The following FAM13B variants were observed in gnomAD, a reference collection of about 807,000 sequenced individuals.
FAM13B encodes family with sequence similarity 13 member B.
A neutral mutation model predicts 117.3 loss-of-function variants in FAM13B; 60 were observed. That is an observed-to-expected ratio of 0.51 (90% CI 0.42 to 0.63). FAM13B has a LOEUF of 0.63. Ranked by LOEUF, FAM13B falls within the 30% of genes least tolerant of loss-of-function variation. The probability of loss-of-function intolerance (pLI) is 0.00; values close to 1 mark genes in which losing one functional copy is unlikely to be tolerated. For synonymous variants in FAM13B, 332 were observed against 356.1 expected (o/e 0.93, Z 0.76); for missense variants, 972 against 1,091.9 (o/e 0.89, Z 1.55).
At chr5:138,036,366 G>T, upstream of FAM13B, 2 of 456,562 alleles carry the variant, frequency 4.4e-6, no homozygotes, top group Non-Finnish European at 8.8e-6. Flanking sequence ...GGCACCTCTT[G>T]CCCGAACAAA....
exon 1 of FAM13B, chr5:138,051,894 G>A (rs1235332881): frequency 3.3e-5 from 5 of 152,126 alleles, no homozygotes; most frequent in Non-Finnish European, 7.3e-5. Flanking sequence ...ACTCAGCCCT[G>A]TAGATGTCCC....
intron 10 of FAM13B, among the ~76,000 whole-genome samples, chr5:137,969,669 G>A (rs1237321738): frequency 1.3e-5 from 2 of 152,060 alleles, no homozygotes; most frequent in Non-Finnish European, 1.5e-5. Flanking sequence ...TCCAAGCTAC[G>A]GGAGGACATT....
intron 22 of FAM13B, 48 bp downstream of exon 22, chr5:137,942,827 T>C (rs1561724884): frequency 5.2e-6 from 8 of 1,529,052 alleles, no homozygotes; most frequent in South Asian, 1.3e-5. Flanking sequence ...TCTTGGCATA[T>C]ACATTTTATT....
At chr5:138,036,270 G>A (rs1215191262), upstream of FAM13B, 24 of 374,816 alleles carry the variant, frequency 6.4e-5, no homozygotes, top group South Asian at 1.9e-4. Flanking sequence ...GCGTCTGGAC[G>A]AAGGAGAGCT....
At chr5:137,973,269 C>T (rs1490038165) in intron 10 of FAM13B, among the ~76,000 whole-genome samples, 2 of 152,116 alleles carry the variant, frequency 1.3e-5, no homozygotes, top group African/African-American at 4.8e-5. Flanking sequence ...AGATATAGAT[C>T]AATGGAACAG....
Position 137,953,894 on chromosome 5 carries a change from C to T in FAM13B, c.1718+272G>A, listed in dbSNP as rs552908338. Among the ~76,000 whole-genome samples, 8 of 152,222 alleles carry T rather than the reference C, an allele frequency of 5.3e-5. No individual in the cohort carries two copies. In the South Asian group the frequency reaches 1.2e-3, roughly 24 times the overall value. ...ACATAAATAAATGAATAATACACCA[C>T]GAGAAAATGTCTATTTGAGAGCAAA... On this transcript the variant is annotated intron_variant, in intron 15 of 23. Transcript: ENST00000689681.
At chr5:138,002,721 A>G (rs994688269) in intron 7 of FAM13B, among the ~76,000 whole-genome samples, 51 of 131,828 alleles carry the variant, frequency 3.9e-4, no homozygotes, top group Non-Finnish European at 6.7e-4. Flanking sequence ...GCTGGAGTGC[A>G]GGGGCGACAT....
In FAM13B at chr5:138,032,966, C is replaced by G; in HGVS notation, c.-387G>C. ...GGGGCCAGCCCGGTAAGCGACCCCC[C>G]GGATACCCCCGGCGGTGGTGGCGAC... On this transcript the variant is annotated 5_prime_UTR_variant, in exon 1 of 24. Coordinates refer to ENST00000689681, the MANE Select transcript of FAM13B (RefSeq NM_001385994.1). 1.0e-6 allele frequency: 1 copy of G among 986,364 alleles called. No individual in the cohort carries two copies. Among genetic ancestry groups the G allele is most frequent in the African/African-American group, 1.7e-5 (1 of 57,378 alleles). 61.1% of individuals were successfully genotyped at this position (986,364 alleles called of 1,614,324 possible).
At chr5:137,972,447 A>C (rs1223440520) in intron 10 of FAM13B, among the ~76,000 whole-genome samples, 1 of 151,250 alleles carries the variant, frequency 6.6e-6, no homozygotes, top group Non-Finnish European at 1.5e-5. Context: ...TTAGGTATTG[A>C]TGGGACGTAT....
At chr5:137,983,756 T>A (rs1358246013) in intron 10 of FAM13B, among the ~76,000 whole-genome samples, 4 of 152,230 alleles carry the variant, frequency 2.6e-5, no homozygotes, top group Non-Finnish European at 5.9e-5. Context: ...TCACATCTTT[T>A]TATCATAATC....
chr5:137,947,515 G>C (rs1442468837), intron 18 of FAM13B, among the ~76,000 whole-genome samples: 1 of 152,008 alleles, frequency 6.6e-6, no homozygotes, highest in Non-Finnish European at 1.5e-5. Flanking sequence ...AAGGCCATGA[G>C]TTTGAGCCCA....
At chr5:137,997,770 G>T (rs1348748362) in intron 7 of FAM13B, among the ~76,000 whole-genome samples, 1 of 152,070 alleles carries the variant, frequency 6.6e-6, no homozygotes, top group Non-Finnish European at 1.5e-5. Flanking sequence ...TAAACCACTG[G>T]TTCTCAAAAA....
At chr5:137,980,137 C>CA (rs1235960374) in intron 10 of FAM13B, among the ~76,000 whole-genome samples, 2 of 150,126 alleles carry the variant, frequency 1.3e-5, no homozygotes, top group African/African-American at 4.9e-5. Flanking sequence ...CACACGACTG[C>CA]ACTCTAGCCG....
At chr5:137,942,323 T>C in intron 22 of FAM13B, 1 of 401,926 alleles carries the variant, frequency 2.5e-6, no homozygotes, top group Non-Finnish European at 4.4e-6. Flanking sequence ...AACTCGCAAC[T>C]AGTTCCTGTA....
chr5:138,033,090 G>A (rs996018346), upstream of FAM13B: 53 of 984,902 alleles, frequency 5.4e-5, no homozygotes, highest in Non-Finnish European at 5.9e-5. Context: ...GGCGGGCGGA[G>A]GCCGGGCCGG....
intron 23 of FAM13B, chr5:137,940,571 C>CTTTAT: frequency 4.5e-6 from 2 of 443,060 alleles, no homozygotes; most frequent in Admixed American, 8.0e-5. Flanking sequence ...TGATGCTATA[C>CTTTAT]TTATAAATAA....
upstream of FAM13B, among the ~76,000 whole-genome samples, chr5:138,034,784 T>C (rs1234841102): frequency 1.3e-5 from 2 of 152,258 alleles, no homozygotes; most frequent in African/African-American, 4.8e-5. Flanking sequence ...TGTGATTCCA[T>C]GCTTGGAGAA....
chr5:137,964,978 C>T (rs993116692), intron 10 of FAM13B, among the ~76,000 whole-genome samples: 6 of 151,976 alleles, frequency 3.9e-5, no homozygotes, highest in East Asian at 1.9e-4. Context: ...ACCAGCCTGG[C>T]CAACATGGTG....
intron 1 of FAM13B, among the ~76,000 whole-genome samples, chr5:138,021,887 T>C (rs1786826485): frequency 6.6e-6 from 1 of 152,046 alleles, no homozygotes; most frequent in South Asian, 2.1e-4. Flanking sequence ...GAGGCCAAGG[T>C]GGGAGGATCA....
Sources: gnomAD v4.1 joint callset for allele counts (sites outside exome capture counted in the v4.1 genomes callset) on GRCh38, gnomAD v4.1.1 for gene constraint, MANE v1.5 for transcripts, NCBI Gene and HGNC (gene_info 2026-07-23, HGNC 2026-07-21) for gene names.